CDH12: variants seen among roughly 807,000 people sequenced by gnomAD.
CDH12 encodes the protein cadherin-12.
CDH12 carries 41 observed loss-of-function variants against 74.1 expected under a neutral mutation model. The observed-to-expected ratio is 0.55, with a 90% CI of 0.43 to 0.72. The LOEUF is 0.72. Ranked by LOEUF, CDH12 falls within the 30% of genes least tolerant of loss-of-function variation. The pLI, the probability that CDH12 is intolerant of heterozygous loss-of-function variation, is 0.00. For missense variants in CDH12, 945 were observed against 977.2 expected (o/e 0.97, Z 0.44); for synonymous variants, 399 against 355.0 (o/e 1.12, Z -1.39).
chr5:22,654,227 T>C (rs1160951390), intron 1 of CDH12, among the ~76,000 whole-genome samples: 2 of 151,446 alleles, frequency 1.3e-5, no homozygotes, highest in African/African-American at 2.4e-5. Flanking sequence ...TTTGTTTCTT[T>C]GTTTCTTTGT....
At chr5:22,002,157 T>C (rs2963639) in intron 5 of CDH12, among the ~76,000 whole-genome samples, 5 of 149,970 alleles carry the variant, frequency 3.3e-5, no homozygotes, top group Non-Finnish European at 6.0e-5. Context: ...GTCAGTAAAT[T>C]TAAAATGAAA....
At chr5:22,569,957 TTTTC>T (rs773186692) in intron 1 of CDH12, among the ~76,000 whole-genome samples, 1 of 152,182 alleles carries the variant, frequency 6.6e-6, no homozygotes, top group Non-Finnish European at 1.5e-5. Context: ...TTCCAAATGG[TTTTC>T]AATTACTATG....
intron 1 of CDH12, among the ~76,000 whole-genome samples, chr5:22,527,287 A>C (rs143202950): frequency 1.7e-3 from 264 of 152,170 alleles, no homozygotes; most frequent in African/African-American, 6.1e-3. Context: ...TGGGTCTATA[A>C]ACTGGCTTAT....
intron 6 of CDH12, among the ~76,000 whole-genome samples, chr5:21,856,968 G>A (rs902573349): frequency 6.6e-6 from 1 of 151,804 alleles, no homozygotes; most frequent in African/African-American, 2.4e-5. Context: ...TTGCCTTTCT[G>A]GGTGTTTACA....
chr5:22,713,094 CCT>C (rs1257118037), intron 1 of CDH12, among the ~76,000 whole-genome samples: 1 of 151,102 alleles, frequency 6.6e-6, no homozygotes, highest in African/African-American at 2.4e-5. Flanking sequence ...TAAAATCCCT[CCT>C]CTGTCATTTA....
At chr5:22,206,347 C>T (rs35438518) in intron 4 of CDH12, among the ~76,000 whole-genome samples, 8,131 of 152,214 alleles carry the variant, frequency 0.053, 318 homozygotes, top group Non-Finnish European at 0.08. Context: ...TGCTGGTCTA[C>T]AGCAGCAGTG....
intron 1 of CDH12, among the ~76,000 whole-genome samples, chr5:22,527,607 C>A (rs1482361447): frequency 6.6e-6 from 1 of 152,116 alleles, no homozygotes; most frequent in Non-Finnish European, 1.5e-5. Flanking sequence ...GATCACAGAG[C>A]ACTTCAAAGA....
At chr5:22,690,800 A>T (rs1742042546) in intron 1 of CDH12, among the ~76,000 whole-genome samples, 1 of 152,120 alleles carries the variant, frequency 6.6e-6, no homozygotes. Context: ...GTATTTTGTT[A>T]ATCATTCTCA....
At chr5:22,363,664 A>G (rs1379719126) in intron 3 of CDH12, among the ~76,000 whole-genome samples, 3 of 152,210 alleles carry the variant, frequency 2.0e-5, no homozygotes, top group African/African-American at 7.2e-5. Flanking sequence ...GATTACATTT[A>G]TATACAAGTT....
chr5:22,397,428 A>G (rs1742503321), intron 3 of CDH12, among the ~76,000 whole-genome samples: 1 of 150,194 alleles, frequency 6.7e-6, no homozygotes, highest in African/African-American at 2.4e-5. Flanking sequence ...TGCAATTTAC[A>G]TTTGAAACTA....
intron 1 of CDH12, among the ~76,000 whole-genome samples, chr5:22,836,223 CTTTTTTTT>C (rs61616737): frequency 1.5e-5 from 1 of 65,506 alleles, no homozygotes; most frequent in African/African-American, 6.2e-5. Context: ...CTTTCTTTCT[CTTTTTTTT>C]TTTTTTTTTT....
chr5:21,863,824 A>C (rs75433377), intron 6 of CDH12, among the ~76,000 whole-genome samples: 166 of 152,300 alleles, frequency 1.1e-3, no homozygotes, highest in African/African-American at 3.7e-3. Context: ...ATTTCTTTGC[A>C]GAATAACATG....
intron 3 of CDH12, among the ~76,000 whole-genome samples, chr5:22,342,116 T>C (rs1739878287): frequency 1.3e-5 from 2 of 152,088 alleles, no homozygotes; most frequent in South Asian, 4.1e-4. Flanking sequence ...TCTCTTCCTC[T>C]TTTTATAAGG....
intron 1 of CDH12, among the ~76,000 whole-genome samples, chr5:22,525,297 C>T (rs1028884775): frequency 6.6e-6 from 1 of 152,048 alleles, no homozygotes; most frequent in Non-Finnish European, 1.5e-5. Context: ...TATAGCAGCA[C>T]ATCTCATATT....
At chr5:21,833,209 AATATATATTATATGTTATATAAC>A (rs1749247711) in intron 8 of CDH12, among the ~76,000 whole-genome samples, 1 of 38,700 alleles carries the variant, frequency 2.6e-5, no homozygotes, top group African/African-American at 2.5e-4. Flanking sequence ...TATATATTAT[AATATATATTATATGTTATATAAC>A]ATATAATATA....
At chr5:21,861,943 T>C (rs1442683228) in intron 6 of CDH12, among the ~76,000 whole-genome samples, 1 of 151,380 alleles carries the variant, frequency 6.6e-6, no homozygotes, top group Admixed American at 6.6e-5. Context: ...CTGCACTCTT[T>C]CTTAACCCAC....
At chr5:22,192,011 C>G (rs1243839104) in intron 4 of CDH12, among the ~76,000 whole-genome samples, 1 of 152,182 alleles carries the variant, frequency 6.6e-6, no homozygotes, top group African/African-American at 2.4e-5. Context: ...TCTTGGCTCA[C>G]AGCAACCTCT....
rs1028096382 is a variant in CDH12, at chr5:21,938,250, A to G, written c.526+36841T>C. Among the ~76,000 whole-genome samples the G allele has an allele frequency of 5.4e-4, 82 of 152,006 alleles. 1 individual carries two copies. The highest frequency in any genetic ancestry group is 1.2e-4 in the Non-Finnish European group (8 of 67,992). On this transcript the variant is annotated intron_variant, in intron 6 of 14. Coordinates refer to ENST00000382254, the MANE Select transcript of CDH12 (RefSeq NM_004061.5). ...ATAAATTTAATGACTACTGTTTTGT[A>G]TAAGTTGAGGTTAATCTAATTAATT... is the stretch of plus-strand genomic sequence containing the variant.
intron 7 of CDH12, among the ~76,000 whole-genome samples, chr5:21,851,463 TTA>T (rs1453499997): frequency 6.6e-6 from 1 of 150,390 alleles, no homozygotes; most frequent in Non-Finnish European, 1.5e-5. Context: ...GTGAAATAAT[TTA>T]TATAATAAAA....
Sources: gnomAD v4.1 joint callset for allele counts (sites outside exome capture counted in the v4.1 genomes callset) on GRCh38, gnomAD v4.1.1 for gene constraint, MANE v1.5 for transcripts, NCBI Gene and HGNC (gene_info 2026-07-23, HGNC 2026-07-21) for gene names.